Variants in MS4A7 observed in about 807,000 individuals in gnomAD.
MS4A7 encodes membrane spanning 4-domains A7.
MS4A7 carries 21 observed loss-of-function variants against 23.5 expected under a neutral mutation model. The observed-to-expected ratio is 0.89, with a 90% CI of 0.63 to 1.29. The LOEUF (loss-of-function observed/expected upper bound fraction) is 1.29, where lower values mean the gene tolerates loss of function less well. Ranked by LOEUF, MS4A7 falls within the 50% of genes most tolerant of loss-of-function variation. The pLI is 0.00. For missense variants in MS4A7, 263 were observed against 274.2 expected (o/e 0.96, Z 0.29); for synonymous variants, 111 against 107.4 (o/e 1.03, Z -0.21).
intron 4 of MS4A7, among the ~76,000 whole-genome samples, chr11:60,387,485 C>T (rs546661127): frequency 1.3e-5 from 2 of 152,186 alleles, no homozygotes; most frequent in Admixed American, 6.5e-5. Context: ...AGGGTGTTGC[C>T]GTCTTCATCC....
chr11:60,389,542 CT>C lies in MS4A7; in HGVS notation c.493del (p.Tyr165IlefsTer12). 1.9e-6 allele frequency: 3 copies of C among 1,614,098 alleles called. No individual in the cohort carries two copies. Among genetic ancestry groups the C allele is most frequent in the Non-Finnish European group, 2.5e-6 (3 of 1,179,952 alleles). On this transcript the variant is annotated frameshift_variant, in exon 5 of 7. Coordinates refer to ENST00000300184, the MANE Select transcript of MS4A7 (RefSeq NM_021201.5). LOFTEE classifies it high-confidence loss of function. ...YLSSLPYSEY[Y>X]YPIYEIKDCL... is the part of the protein sequence containing the mutation. Reference sequence around the variant, plus strand: ...TATCCTCATTGCCTTATTCGGAGTACTATTATCCAATATATGAAATCAAAGA... The same window carrying C: ...TATCCTCATTGCCTTATTCGGAGTACATTATCCAATATATGAAATCAAAGA...
Position 60,384,649 on chromosome 11 carries a change from A to G in MS4A7, c.148-439A>G, listed in dbSNP as rs138228731. Among the ~76,000 whole-genome samples the G allele has an allele frequency of 3.3e-5, 5 of 152,382 alleles. No homozygotes were observed. In the East Asian group the frequency reaches 9.6e-4, roughly 29 times the overall value. On this transcript the variant is annotated intron_variant, in intron 2 of 6. Coordinates refer to ENST00000300184, the MANE Select transcript of MS4A7 (RefSeq NM_021201.5). ...TTCTTCCACTTGCGAAATAATTATT[A>G]TTAAAATCCAATGATGAACAAAATA...
intron 3 of MS4A7, chr11:60,386,433 C>A (rs573427843): frequency 2.0e-4 from 71 of 358,572 alleles, no homozygotes; most frequent in African/African-American, 1.4e-3. Context: ...ACACTCTTCT[C>A]CTTCCCAGGT....
chr11:60,393,732 T>G (rs1308625950), intron 6 of MS4A7, 55 bp from the exon 7 acceptor site: 2 of 1,440,046 alleles, frequency 1.4e-6, no homozygotes, highest in East Asian at 4.6e-5. Flanking sequence ...TGAGTTATCT[T>G]TTTTAATCTC....
chr11:60,391,642 G>A (rs1052609251), intron 5 of MS4A7, among the ~76,000 whole-genome samples: 1 of 152,198 alleles, frequency 6.6e-6, no homozygotes, highest in African/African-American at 2.4e-5. Context: ...AACCAGGCCA[G>A]GTGCAGTGGC....
intron 3 of MS4A7, among the ~76,000 whole-genome samples, chr11:60,386,249 G>T (rs1042472495): frequency 6.6e-6 from 1 of 152,106 alleles, no homozygotes; most frequent in Non-Finnish European, 1.5e-5. Context: ...CACTTTCCTC[G>T]ACTCCCATTC....
rs1387734005 is a variant in MS4A7, at chr11:60,395,749, A to G, written c.*1888A>G. The stretch of plus-strand genomic sequence containing the variant: ...TTTTTTTGTTTAATTTGAAAATGCA[A>G]AGAATTGTTAAATGTTCTTAAATGT... On this transcript the variant is annotated 3_prime_UTR_variant, in exon 7 of 7. Transcript: ENST00000300184. 1 of 152,202 alleles carries G rather than the reference A, an allele frequency of 6.6e-6. No individual in the cohort carries two copies. Among genetic ancestry groups the G allele is most frequent in the Non-Finnish European group, 1.5e-5 (1 of 68,038 alleles). The allele number at this position is 152,202 out of a possible 1,614,324, so 9.4% of individuals were successfully genotyped here.
At chr11:60,393,727 T>C in intron 6 of MS4A7, 60 bp from the exon 7 acceptor site, 1 of 1,379,430 alleles carries the variant, frequency 7.2e-7, no homozygotes, top group Non-Finnish European at 1.0e-6. Flanking sequence ...TATTATGAGT[T>C]ATCTTTTTTA....
intron 2 of MS4A7, 86 bp from the exon 3 acceptor site, chr11:60,385,002 A>C: frequency 8.1e-7 from 1 of 1,240,162 alleles, no homozygotes; most frequent in Non-Finnish European, 1.1e-6. Flanking sequence ...TGTATTTTAT[A>C]CTCTTTATAC....
In MS4A7 at chr11:60,394,972, T is replaced by A. The variant is rs780208428; in HGVS notation, c.*1111T>A. 9 of 665,112 alleles carry A rather than the reference T, an allele frequency of 1.4e-5. No homozygotes were observed. Among genetic ancestry groups the A allele is most frequent in the Middle Eastern group, 4.7e-4 (2 of 4,212 alleles). The allele number at this position is 665,112 out of a possible 1,614,324, so 41.2% of individuals were successfully genotyped here. A position where few individuals can be genotyped will look rare whatever the true frequency, so the allele number is the denominator to read the frequency against. ...GTAGGAGTCAATGAAGACATCTTAG[T>A]CTTAACAAGTTACAGATAATCTCTG... On this transcript the variant is annotated 3_prime_UTR_variant, in exon 7 of 7. Transcript: ENST00000300184.
At chr11:60,386,579 A>G in intron 3 of MS4A7, 138 bp from the exon 4 acceptor site, 1 of 670,118 alleles carries the variant, frequency 1.5e-6, no homozygotes, top group East Asian at 2.6e-5. Context: ...ATCTAGCAAT[A>G]TAGATCCACA....
At chr11:60,390,005 G>GGAT in intron 5 of MS4A7, 1 of 245,318 alleles carries the variant, frequency 4.1e-6, no homozygotes, top group Admixed American at 5.2e-5. Flanking sequence ...TCCAGGGGTT[G>GGAT]GATGCCCCTA....
intron 4 of MS4A7, among the ~76,000 whole-genome samples, chr11:60,387,905 C>G (rs551664219): frequency 1.3e-5 from 2 of 152,350 alleles, no homozygotes; most frequent in South Asian, 4.1e-4. Flanking sequence ...AACTCCTCTT[C>G]TACATTTTAG....
intron 4 of MS4A7, among the ~76,000 whole-genome samples, chr11:60,387,231 G>C (rs191378948): frequency 1.3e-5 from 2 of 152,104 alleles, no homozygotes; most frequent in Non-Finnish European, 2.9e-5. Flanking sequence ...GCCCTTCAGC[G>C]TCAGGGTGAC....
rs544533869 is a variant in MS4A7, at chr11:60,394,082, T to C, written c.*221T>C. The C allele has an allele frequency of 7.7e-5, 30 of 388,382 alleles. No individual in the cohort carries two copies. The highest frequency in any genetic ancestry group is 4.1e-4 in the Admixed American group (9 of 21,974). The allele number at this position is 388,382 out of a possible 1,614,324, so 24.1% of individuals were successfully genotyped here. ...AATGTTATCAGCCAGTCTTCCAAAA[T>C]GGTCATAAACTTTATAAACTGCTTT... On this transcript the variant is annotated 3_prime_UTR_variant, in exon 7 of 7. Transcript: ENST00000300184.
intron 6 of MS4A7, 57 bp from the exon 7 acceptor site, chr11:60,393,728 ATC>A (rs2085579046): frequency 1.7e-5 from 23 of 1,383,460 alleles, no homozygotes; most frequent in Non-Finnish European, 2.3e-5. Context: ...ATTATGAGTT[ATC>A]TTTTTTAATC....
intron 1 of MS4A7, among the ~76,000 whole-genome samples, chr11:60,381,278 T>C (rs2085425842): frequency 6.6e-6 from 1 of 152,196 alleles, no homozygotes; most frequent in African/African-American, 2.4e-5. Context: ...TCATAGGACA[T>C]GTAACCTCAC....
At chr11:60,379,255 T>C (rs1300846429) in intron 1 of MS4A7, among the ~76,000 whole-genome samples, 1 of 152,210 alleles carries the variant, frequency 6.6e-6, no homozygotes, top group Non-Finnish European at 1.5e-5. Context: ...AATTCAAGTG[T>C]CATAGATTTA....
At chr11:60,393,243 T>C (rs1022205050) in intron 6 of MS4A7, among the ~76,000 whole-genome samples, 4 of 152,118 alleles carry the variant, frequency 2.6e-5, no homozygotes, top group African/African-American at 9.7e-5. Flanking sequence ...AGCTAGTTGG[T>C]TTTAGAAATC....
Sources: gnomAD v4.1 joint callset for allele counts (sites outside exome capture counted in the v4.1 genomes callset) on GRCh38, gnomAD v4.1.1 for gene constraint, MANE v1.5 for transcripts, NCBI Gene and HGNC (gene_info 2026-07-23, HGNC 2026-07-21) for gene names.